The following ROBO1 variants were observed in gnomAD, a reference collection of about 807,000 sequenced individuals.
The protein encoded by ROBO1 is roundabout guidance receptor 1.
ROBO1 carries 149 observed loss-of-function variants against 195.9 expected under a neutral mutation model. That is an observed-to-expected ratio of 0.76 (90% CI 0.67 to 0.87). The LOEUF (loss-of-function observed/expected upper bound fraction) is 0.87, where lower values mean the gene tolerates loss of function less well. Among genes scored for constraint, ROBO1 ranks in the 40% least tolerant of loss-of-function variants. ROBO1 has a pLI of 0.00. For synonymous variants in ROBO1, 816 were observed against 733.2 expected, an observed-to-expected ratio of 1.11 and a Z score of -1.82; for missense variants, 1,933 against 2,068.3, an observed-to-expected ratio of 0.93 and a Z score of 1.27.
At chr3:79,225,459 G>A (rs567585989) in intron 2 of ROBO1, among the ~76,000 whole-genome samples, 96 of 152,254 alleles carry the variant, frequency 6.3e-4, no homozygotes, top group South Asian at 5.2e-3. Context: ...CACATTTGCC[G>A]TGTGTTTAGA....
At chr3:79,664,725 C>G (rs184745747) in intron 1 of ROBO1, among the ~76,000 whole-genome samples, 68 of 152,076 alleles carry the variant, frequency 4.5e-4, no homozygotes, top group African/African-American at 1.6e-3. Flanking sequence ...TCTCTCTCTG[C>G]TATGACGGCC....
At chr3:79,043,918 G>T (rs1165969560) in intron 3 of ROBO1, among the ~76,000 whole-genome samples, 1 of 152,018 alleles carries the variant, frequency 6.6e-6, no homozygotes, top group Non-Finnish European at 1.5e-5. Flanking sequence ...TCTTGCTGTG[G>T]AATTCTGCAC....
intron 3 of ROBO1, among the ~76,000 whole-genome samples, chr3:79,082,969 C>A (rs1014128218): frequency 1.3e-5 from 2 of 152,100 alleles, no homozygotes; most frequent in East Asian, 1.9e-4. Context: ...TCTAATGAGG[C>A]CTTTAGGAAC....
At chr3:78,891,352 T>TAA (rs5850403) in intron 4 of ROBO1, among the ~76,000 whole-genome samples, 1 of 151,704 alleles carries the variant, frequency 6.6e-6, no homozygotes, top group Non-Finnish European at 1.5e-5. Flanking sequence ...TACGCACATT[T>TAA]AAAAAAAATT....
chr3:79,036,523 G>A (rs1026210840), intron 3 of ROBO1, among the ~76,000 whole-genome samples: 1 of 152,048 alleles, frequency 6.6e-6, no homozygotes, highest in Non-Finnish European at 1.5e-5. Context: ...GAATCTTTAT[G>A]TAGATGGTCT....
chr3:78,973,481 T>TTATATATATAAGAAGCTATATATATAA (rs2107930651), intron 3 of ROBO1, among the ~76,000 whole-genome samples: 1 of 145,610 alleles, frequency 6.9e-6, no homozygotes, highest in East Asian at 2.0e-4. Context: ...TATATATATA[T>TTATATATATAAGAAGCTATATATATAA]TATATATATA....
At position 79,214,393 on chromosome 3, in the gene ROBO1, G is replaced by A. The variant is rs2082017914; in HGVS notation, c.89-88854C>T. Among the ~76,000 whole-genome samples the A allele has an allele frequency of 2.0e-5, 3 of 152,086 alleles. No individual in the cohort carries two copies. In the South Asian group the frequency reaches 6.2e-4, roughly 31 times the overall value. Reference sequence around the variant, plus strand: ...GGGTCACATAACCTAAGGGCTAAAGGTGGAATGTGGACTCATTTGGATATT... The same window carrying A: ...GGGTCACATAACCTAAGGGCTAAAGATGGAATGTGGACTCATTTGGATATT... On this transcript the variant is annotated intron_variant, in intron 2 of 30. Transcript: ENST00000464233.
intron 1 of ROBO1, among the ~76,000 whole-genome samples, chr3:79,767,345 G>C (rs896143742): frequency 6.6e-6 from 1 of 152,042 alleles, no homozygotes; most frequent in African/African-American, 2.4e-5. Context: ...AGCAAATTCC[G>C]CTGTGTGCCC....
Position 79,249,457 on chromosome 3 carries a change from C to T in ROBO1, c.89-123918G>A, listed in dbSNP as rs76151479. 7.9e-5 allele frequency among the ~76,000 whole-genome samples: 12 copies of T among 152,254 alleles called. No homozygotes were observed. The East Asian group carries it at 1.7e-3, about 22-fold the overall frequency. On this transcript the variant is annotated intron_variant, in intron 2 of 30. Transcript: ENST00000464233. ...TTTCACTTTCTCTGGTGTTTGGATG[C>T]GTTGCTGGATCTTCAACTATTGTTT... is the stretch of plus-strand genomic sequence containing the variant.
At position 78,598,671 on chromosome 3, in the gene ROBO1, AG is replaced by A; in HGVS notation, c.*241del. On this transcript the variant is annotated 3_prime_UTR_variant, in exon 31 of 31. Coordinates refer to ENST00000464233, the MANE Select transcript of ROBO1 (RefSeq NM_002941.4). Reference sequence around the variant, plus strand: ...CAAAGCACTTTGCTTGCTGGAAGTAAGGTATAATGGTTTGCTCCAACAGCGA... The same window carrying A: ...CAAAGCACTTTGCTTGCTGGAAGTAAGTATAATGGTTTGCTCCAACAGCGA... 1 of 344,752 alleles carries A rather than the reference AG, an allele frequency of 2.9e-6. No individual in the cohort carries two copies. The highest frequency in any genetic ancestry group is 5.2e-6 in the Non-Finnish European group (1 of 191,624). The allele number at this position is 344,752 out of a possible 1,614,324, so 21.4% of individuals were successfully genotyped here.
At chr3:78,778,459 A>T (rs111344565) in intron 4 of ROBO1, among the ~76,000 whole-genome samples, 17 of 152,152 alleles carry the variant, frequency 1.1e-4, no homozygotes, top group Non-Finnish European at 2.1e-4. Context: ...AATCACAAGC[A>T]TTCCTATACA....
At chr3:78,824,689 A>G (rs2031414382) in intron 4 of ROBO1, among the ~76,000 whole-genome samples, 1 of 152,214 alleles carries the variant, frequency 6.6e-6, no homozygotes, top group South Asian at 2.1e-4. Context: ...AATCTATAAA[A>G]GAAGATTCCT....
chr3:79,237,991 A>G (rs1457241442), intron 2 of ROBO1, among the ~76,000 whole-genome samples: 1 of 152,146 alleles, frequency 6.6e-6, no homozygotes, highest in Non-Finnish European at 1.5e-5. Context: ...CCTGACCTAC[A>G]TGGATTGTGC....
At chr3:79,383,940 A>G (rs907934255) in intron 2 of ROBO1, among the ~76,000 whole-genome samples, 1 of 152,042 alleles carries the variant, frequency 6.6e-6, no homozygotes, top group Non-Finnish European at 1.5e-5. Flanking sequence ...AATTTGTGCC[A>G]TATGCCCTAC....
At chr3:79,462,905 G>A (rs1466231424) in intron 2 of ROBO1, among the ~76,000 whole-genome samples, 3 of 152,176 alleles carry the variant, frequency 2.0e-5, no homozygotes, top group East Asian at 1.9e-4. Context: ...TATAGTATAC[G>A]TAGATACACT....
At chr3:78,991,475 C>T (rs1254065096) in intron 3 of ROBO1, among the ~76,000 whole-genome samples, 1 of 152,158 alleles carries the variant, frequency 6.6e-6, no homozygotes, top group African/African-American at 2.4e-5. Flanking sequence ...TCATCCCCTC[C>T]CCAAATGCAG....
intron 2 of ROBO1, among the ~76,000 whole-genome samples, chr3:79,492,098 T>C (rs949688238): frequency 2.6e-5 from 4 of 152,076 alleles, no homozygotes; most frequent in Admixed American, 2.0e-4. Flanking sequence ...TGGAGAGCCC[T>C]GACATTGAAT....
chr3:79,649,796 G>A (rs1481956168), intron 1 of ROBO1, among the ~76,000 whole-genome samples: 1 of 151,956 alleles, frequency 6.6e-6, no homozygotes, highest in East Asian at 1.9e-4. Flanking sequence ...CAAACTTCCT[G>A]GGGCCCAGAG....
intron 1 of ROBO1, among the ~76,000 whole-genome samples, chr3:79,681,693 T>C (rs943882622): frequency 2.0e-5 from 3 of 151,826 alleles, no homozygotes; most frequent in African/African-American, 4.8e-5. Flanking sequence ...CCCAAGGAGA[T>C]GTGGAATCCT....
Sources: gnomAD v4.1 joint callset for allele counts (sites outside exome capture counted in the v4.1 genomes callset) on GRCh38, gnomAD v4.1.1 for gene constraint, MANE v1.5 for transcripts, NCBI Gene and HGNC (gene_info 2026-07-23, HGNC 2026-07-21) for gene names.